The following TANC1 variants were observed in gnomAD, a reference collection of about 807,000 sequenced individuals.
TANC1 encodes the protein protein TANC1.
Under a neutral mutation model 149.7 loss-of-function variants are expected in TANC1, and 77 were observed. The ratio of observed to expected loss-of-function variants is 0.51; its 90% CI spans 0.43 to 0.62. TANC1 has a LOEUF of 0.62. Ranked by LOEUF, TANC1 falls within the 20% of genes least tolerant of loss-of-function variation. TANC1 has a pLI of 0.00. For missense variants in TANC1, 1,985 were observed against 2,321.8 expected, an observed-to-expected ratio of 0.85 and a Z score of 2.98; for synonymous variants, 854 against 925.0, an observed-to-expected ratio of 0.92 and a Z score of 1.39.
rs73969409 is a variant in TANC1, at chr2:159,002,619, A to G, written c.-16+1430A>G. 6.8e-3 allele frequency among the ~76,000 whole-genome samples: 1,035 copies of G among 152,292 alleles called. 6 individuals are homozygous for G. Among genetic ancestry groups the G allele is most frequent in the African/African-American group, 0.023 (967 of 41,554 alleles). Reference sequence around the variant, plus strand: ...GTGGTATTTGTGATCCTCTGGGTGCAGATGTGGGTTTGTCTCAGATATTTG... The same window carrying G: ...GTGGTATTTGTGATCCTCTGGGTGCGGATGTGGGTTTGTCTCAGATATTTG... On this transcript the variant is annotated intron_variant, in intron 2 of 26. Coordinates refer to ENST00000263635, the MANE Select transcript of TANC1 (RefSeq NM_033394.3).
Position 159,065,930 on chromosome 2 carries a change from A to G in TANC1, c.20A>G (p.Lys7Arg), listed in dbSNP as rs756605389. Residue 7 changes from lysine to arginine, a missense_variant, in exon 3 of 27, where the codon AAG (lysine) becomes AGG (arginine). Physicochemically the swap from Lys to Arg is conservative, Grantham distance 26. Transcript: ENST00000263635. The stretch of plus-strand genomic sequence containing the variant: ...TTGAAAATGTTAAAGGCTGTGCTGA[A>G]GAAGAGCCGAGAGGGAGGAAAGGGA... Reference protein sequence around the residue: MLKAVLKKSREGGKGGK... With the variant: MLKAVLRKSREGGKGGK... 2 of 1,613,948 alleles carry G rather than the reference A, an allele frequency of 1.2e-6. No individual in the cohort carries two copies. The highest frequency in any genetic ancestry group is 1.1e-5 in the South Asian group (1 of 91,068).
At chr2:159,176,907 A>ATTTT (rs10647127) in intron 13 of TANC1, among the ~76,000 whole-genome samples, 25,917 of 101,938 alleles carry the variant, frequency 0.25, 4,778 homozygotes, top group East Asian at 0.58. Context: ...AAGGTGAAAG[A>ATTTT]TTTTTTTTTT....
intron 3 of TANC1, among the ~76,000 whole-genome samples, chr2:159,094,528 C>A (rs1310171577): frequency 1.3e-5 from 2 of 152,208 alleles, no homozygotes; most frequent in East Asian, 3.8e-4. Flanking sequence ...GGGCATCCGG[C>A]TCCACTGCGC....
chr2:159,069,581 CTTAAGA>C (rs1218196761), intron 3 of TANC1, among the ~76,000 whole-genome samples: 3 of 151,972 alleles, frequency 2.0e-5, no homozygotes, highest in East Asian at 1.9e-4. Context: ...TTACTAGACT[CTTAAGA>C]TTAAGAGTAT....
intron 1 of TANC1, among the ~76,000 whole-genome samples, 189 bp downstream of exon 1, chr2:158,968,971 C>T (rs1338239212): frequency 6.6e-6 from 1 of 152,176 alleles, no homozygotes; most frequent in Non-Finnish European, 1.5e-5. Context: ...CGGGAATAGG[C>T]ACAGACATGT....
intron 1 of TANC1, among the ~76,000 whole-genome samples, chr2:158,978,543 T>C (rs188888664): frequency 6.3e-4 from 96 of 152,232 alleles, no homozygotes; most frequent in African/African-American, 2.1e-3. Context: ...AGAGTCCTTG[T>C]GGAGTAACAC....
At chr2:159,219,200 T>G (rs13416694) in intron 20 of TANC1, 38 bp from the exon 21 acceptor site, 60,515 of 1,612,524 alleles carry the variant, frequency 0.038, 3,831 homozygotes, top group East Asian at 0.24. Context: ...TGGTGGAAAA[T>G]GCAGCAGGAG....
intron 2 of TANC1, among the ~76,000 whole-genome samples, chr2:159,017,240 A>G (rs985499867): frequency 3.9e-5 from 6 of 152,194 alleles, no homozygotes; most frequent in African/African-American, 1.2e-4. Flanking sequence ...CTGTTAGGCA[A>G]CGGTGGAAAT....
intron 1 of TANC1, among the ~76,000 whole-genome samples, chr2:158,970,591 A>G (rs560676510): frequency 6.6e-6 from 1 of 152,344 alleles, no homozygotes; most frequent in Non-Finnish European, 1.5e-5. Flanking sequence ...GTGTTAGTCA[A>G]AAAGCATCAT....
rs2056151687 is a variant in TANC1 at position 159,178,772 on chromosome 2, C to G, written c.2119C>G (p.Leu707Val). 1 of 1,614,080 alleles carries G rather than the reference C, an allele frequency of 6.2e-7. No homozygotes were observed. Among genetic ancestry groups the G allele is most frequent in the East Asian group, 2.2e-5 (1 of 44,888 alleles). The change falls in exon 14 of 27, where the codon CTC (leucine) becomes GTC (valine). Residue 707 changes from leucine (L) to valine (V), a missense_variant. Around this residue, in one of 3 missense-constraint regions of TANC1, gnomAD observed 508 missense variants for 714.2 expected, o/e 0.71. Transcript: ENST00000263635. ...GCGGAGCCTCGGCTCCTACCTGTAC[C>G]TCAAGCTCACCCTGGACCTTTTCCA... is the stretch of plus-strand genomic sequence containing the variant. ...VLRSLGSYLY[L>V]KLTLDLFQRG...
Position 159,207,742 on chromosome 2 carries a change from C to T in TANC1, c.3244+8689C>T, listed in dbSNP as rs560968288. ...AAAAAAAAAAACAACTCAGACTTAG[C>T]CACACTCCCTCTAGCTGTGGGACCT... is the stretch of plus-strand genomic sequence containing the variant. On this transcript the variant is annotated intron_variant, in intron 19 of 26. Coordinates refer to ENST00000263635, the MANE Select transcript of TANC1 (RefSeq NM_033394.3). Among the ~76,000 whole-genome samples the T allele has an allele frequency of 1.2e-4, 16 of 138,288 alleles. No homozygotes were observed. The South Asian group carries it at 2.2e-3, about 19-fold the overall frequency. 90.7% of individuals were successfully genotyped at this position (138,288 alleles called of 152,430 possible).
At chr2:159,224,463 T>A in intron 23 of TANC1, 99 bp downstream of exon 23, 1 of 1,382,230 alleles carries the variant, frequency 7.2e-7, no homozygotes, top group South Asian at 1.2e-5. Context: ...GGTTAGGAAG[T>A]AAGATGTCAG....
chr2:159,217,314 A>T (rs1325192134), intron 19 of TANC1, among the ~76,000 whole-genome samples, 183 bp from the exon 20 acceptor site: 5 of 152,208 alleles, frequency 3.3e-5, no homozygotes, highest in Admixed American at 2.6e-4. Flanking sequence ...GGGCCTTGAC[A>T]TGCACACAGA....
At chr2:159,044,913 G>A (rs950266137) in intron 2 of TANC1, among the ~76,000 whole-genome samples, 12 of 152,246 alleles carry the variant, frequency 7.9e-5, no homozygotes. Flanking sequence ...GCCACACCCT[G>A]CTATCCATGA....
intron 4 of TANC1, among the ~76,000 whole-genome samples, chr2:159,114,262 G>C (rs1054565009): frequency 6.6e-6 from 1 of 152,150 alleles, no homozygotes; most frequent in African/African-American, 2.4e-5. Flanking sequence ...GATGTGGCCT[G>C]GCTGTAAAGA....
At chr2:159,183,721 G>A (rs572023991) in intron 14 of TANC1, among the ~76,000 whole-genome samples, 89 of 152,066 alleles carry the variant, frequency 5.9e-4, no homozygotes, top group African/African-American at 2.0e-3. Flanking sequence ...ACAGGAGATT[G>A]GAACATTGTC....
At chr2:159,030,044 C>A (rs1335252298) in intron 2 of TANC1, among the ~76,000 whole-genome samples, 1 of 152,092 alleles carries the variant, frequency 6.6e-6, no homozygotes, top group Non-Finnish European at 1.5e-5. Context: ...GGAGAGAAGT[C>A]AACATTTCCC....
chr2:159,220,681 C>T (rs2059648781), intron 22 of TANC1, among the ~76,000 whole-genome samples: 1 of 152,088 alleles, frequency 6.6e-6, no homozygotes, highest in Non-Finnish European at 1.5e-5. Context: ...GCCTTGTTCT[C>T]CTGGTCTCAA....
intron 19 of TANC1, among the ~76,000 whole-genome samples, chr2:159,202,930 A>C (rs1361230146): frequency 1.3e-5 from 2 of 152,134 alleles, no homozygotes; most frequent in Admixed American, 6.5e-5. Flanking sequence ...ATGACCAGAG[A>C]TGCTTAGCTG....
Sources: gnomAD v4.1 joint callset for allele counts (sites outside exome capture counted in the v4.1 genomes callset) on GRCh38, gnomAD v4.1.1 for gene constraint, gnomAD v4.1.1 regional missense constraint, MANE v1.5 for transcripts, NCBI Gene and HGNC (gene_info 2026-07-23, HGNC 2026-07-21) for gene names.